Variants in AGBL4 observed in about 807,000 individuals in gnomAD.
AGBL4 encodes AGBL carboxypeptidase 4.
Under a neutral mutation model 66.4 loss-of-function variants are expected in AGBL4, and 58 were observed. The ratio of observed to expected loss-of-function variants is 0.87; its 90% CI spans 0.71 to 1.09. The LOEUF is 1.09. Among genes scored for constraint, AGBL4 ranks in the 50% least tolerant of loss-of-function variants. AGBL4 has a pLI of 0.00. For missense variants in AGBL4, 579 were observed against 631.0 expected (o/e 0.92, Z 0.88); for synonymous variants, 234 against 222.9 (o/e 1.05, Z -0.44).
At position 48,940,338 on chromosome 1, in the gene AGBL4, A is replaced by G. The variant is rs556804569; in HGVS notation, c.595-73108T>C. Among the ~76,000 whole-genome samples, 605 of 152,282 alleles carry G rather than the reference A, an allele frequency of 4.0e-3. 1 individual carries two copies. The highest frequency in any genetic ancestry group is 6.0e-3 in the Non-Finnish European group (409 of 68,016). Reference sequence around the variant, plus strand: ...GGTTGCAGTGAGCCGAGATCATGCCACTGCACTCCAACCTGGGCAACAAGA... The same window carrying G: ...GGTTGCAGTGAGCCGAGATCATGCCGCTGCACTCCAACCTGGGCAACAAGA... On this transcript the variant is annotated intron_variant, in intron 5 of 13. Coordinates refer to ENST00000371839, the MANE Select transcript of AGBL4 (RefSeq NM_032785.4).
At chr1:49,502,890 T>C (rs866996820) in intron 3 of AGBL4, among the ~76,000 whole-genome samples, 5 of 152,040 alleles carry the variant, frequency 3.3e-5, no homozygotes, top group African/African-American at 4.8e-5. Flanking sequence ...AGCCTGACAA[T>C]GCTATTGAAA....
intron 5 of AGBL4, among the ~76,000 whole-genome samples, chr1:48,900,351 C>G (rs954070016): frequency 1.3e-5 from 2 of 152,232 alleles, no homozygotes; most frequent in Admixed American, 1.3e-4. Context: ...AAAAAATCCA[C>G]TAAATCCTAG....
At chr1:48,587,767 T>G (rs865917136) in intron 10 of AGBL4, among the ~76,000 whole-genome samples, 3 of 151,460 alleles carry the variant, frequency 2.0e-5, no homozygotes, top group South Asian at 2.1e-4. Context: ...CTCAGCCTCC[T>G]GAGTAGCTGG....
At chr1:49,836,354 G>C (rs192735228) in intron 2 of AGBL4, among the ~76,000 whole-genome samples, 1 of 151,444 alleles carries the variant, frequency 6.6e-6, no homozygotes, top group Non-Finnish European at 1.5e-5. Flanking sequence ...TTCTTTTTCC[G>C]CTTGATCAAT....
intron 3 of AGBL4, among the ~76,000 whole-genome samples, chr1:49,509,218 T>G (rs1648972008): frequency 6.6e-6 from 1 of 151,588 alleles, no homozygotes; most frequent in Non-Finnish European, 1.5e-5. Flanking sequence ...AAGGAGAAGA[T>G]TCAAGGTGGA....
chr1:49,953,427 T>C (rs1045290369), intron 1 of AGBL4, among the ~76,000 whole-genome samples: 4 of 151,996 alleles, frequency 2.6e-5, no homozygotes, highest in African/African-American at 9.7e-5. Flanking sequence ...TTAGTACTTT[T>C]ATGCTATTTT....
rs1292040816 is a variant in AGBL4 at position 49,229,412 on chromosome 1, T to C, written c.377+16358A>G. On this transcript the variant is annotated intron_variant, in intron 4 of 13. Transcript: ENST00000371839. ...GGAAAGAACTAATACAAGTCATTTATGAAAGGTTGCCAACATAGTCTAGAA... is the reference window on the plus strand; with the variant it reads ...GGAAAGAACTAATACAAGTCATTTACGAAAGGTTGCCAACATAGTCTAGAA... Among the ~76,000 whole-genome samples, 7 of 152,334 alleles carry C rather than the reference T, an allele frequency of 4.6e-5. No individual in the cohort carries two copies. In the East Asian group the frequency reaches 1.3e-3, roughly 29 times the overall value.
intron 6 of AGBL4, among the ~76,000 whole-genome samples, chr1:48,739,127 C>G (rs1649518413): frequency 6.6e-6 from 1 of 152,204 alleles, no homozygotes; most frequent in Non-Finnish European, 1.5e-5. Flanking sequence ...TCCTCTGTAT[C>G]TGCCTGGCTA....
intron 5 of AGBL4, among the ~76,000 whole-genome samples, chr1:48,964,858 T>G (rs1658292051): frequency 6.6e-6 from 1 of 152,146 alleles, no homozygotes; most frequent in African/African-American, 2.4e-5. Flanking sequence ...AACAGGTATC[T>G]TTTTTCAAAA....
intron 4 of AGBL4, among the ~76,000 whole-genome samples, chr1:49,079,702 C>T (rs553300297): frequency 6.6e-6 from 1 of 152,298 alleles, no homozygotes; most frequent in East Asian, 1.9e-4. Flanking sequence ...GTAGGCACTA[C>T]TGGAGAATCC....
intron 4 of AGBL4, among the ~76,000 whole-genome samples, chr1:49,160,498 A>G (rs545156261): frequency 3.9e-4 from 60 of 152,150 alleles, no homozygotes; most frequent in Middle Eastern, 6.8e-3. Flanking sequence ...CCCTACTGGG[A>G]GGTGTCTCCC....
intron 4 of AGBL4, among the ~76,000 whole-genome samples, chr1:49,186,026 C>T (rs1647010418): frequency 6.6e-6 from 1 of 152,084 alleles, no homozygotes; most frequent in African/African-American, 2.4e-5. Flanking sequence ...TCAGCTTCTC[C>T]CTCCATTCTT....
chr1:48,763,411 CTAAAATG>C (rs553804517), intron 6 of AGBL4, among the ~76,000 whole-genome samples: 5 of 151,996 alleles, frequency 3.3e-5, no homozygotes, highest in Non-Finnish European at 7.4e-5. Flanking sequence ...CAAAAGGCTG[CTAAAATG>C]TAAAATCTAA....
chr1:49,763,209 C>G (rs1034734197), intron 2 of AGBL4, among the ~76,000 whole-genome samples: 7 of 152,244 alleles, frequency 4.6e-5, no homozygotes, highest in African/African-American at 1.7e-4. Context: ...TATTTCTAGA[C>G]TCTTGCTTCT....
At chr1:49,500,506 T>C (rs1648047192) in intron 3 of AGBL4, among the ~76,000 whole-genome samples, 1 of 152,030 alleles carries the variant, frequency 6.6e-6, no homozygotes, top group Non-Finnish European at 1.5e-5. Flanking sequence ...ATTTTTATAG[T>C]TTCACATCTT....
intron 3 of AGBL4, among the ~76,000 whole-genome samples, chr1:49,440,875 A>G (rs1234388625): frequency 1.3e-5 from 2 of 152,120 alleles, no homozygotes; most frequent in African/African-American, 4.8e-5. Context: ...AGCTGGGGAC[A>G]CTGAGTTTGT....
intron 6 of AGBL4, among the ~76,000 whole-genome samples, chr1:48,839,362 T>C (rs1278624312): frequency 6.6e-6 from 1 of 152,110 alleles, no homozygotes; most frequent in Non-Finnish European, 1.5e-5. Flanking sequence ...CACACATATA[T>C]GTGAAATTGA....
chr1:49,874,183 T>C (rs1257252941), intron 1 of AGBL4, among the ~76,000 whole-genome samples: 1 of 152,078 alleles, frequency 6.6e-6, no homozygotes, highest in African/African-American at 2.4e-5. Flanking sequence ...ATGAACCTTA[T>C]CCTGTCCCTG....
chr1:49,569,910 T>A (rs934822140), intron 3 of AGBL4, among the ~76,000 whole-genome samples: 10 of 152,146 alleles, frequency 6.6e-5, no homozygotes, highest in East Asian at 3.9e-4. Flanking sequence ...GCAAAAGACA[T>A]GATTTCATTC....
Sources: allele counts gnomAD v4.1 joint callset (sites outside exome capture counted in the v4.1 genomes callset), GRCh38; gene constraint gnomAD v4.1.1; transcripts MANE v1.5; gene names NCBI Gene and HGNC (gene_info 2026-07-23, HGNC 2026-07-21).